Variants in CDH12 observed in about 807,000 individuals in gnomAD.
The protein encoded by CDH12 is cadherin 12.
In CDH12, 41 loss-of-function variants were observed where a neutral mutation model predicts 74.1. The ratio of observed to expected loss-of-function variants is 0.55; its 90% CI spans 0.43 to 0.72. The LOEUF (loss-of-function observed/expected upper bound fraction) is 0.72. CDH12 is among the 30% of genes least tolerant of loss of function. The pLI is 0.00. For missense variants in CDH12, 945 were observed against 977.2 expected (o/e 0.97, Z 0.44); for synonymous variants, 399 against 355.0 (o/e 1.12, Z -1.39).
At chr5:22,295,854 G>A (rs964394346) in intron 3 of CDH12, among the ~76,000 whole-genome samples, 6 of 152,030 alleles carry the variant, frequency 3.9e-5, no homozygotes, top group African/African-American at 1.4e-4. Context: ...ATACTAGCAA[G>A]CCAATACTGG....
chr5:21,847,413 T>A (rs909917874), intron 7 of CDH12, among the ~76,000 whole-genome samples: 1 of 152,050 alleles, frequency 6.6e-6, no homozygotes, highest in African/African-American at 2.4e-5. Flanking sequence ...ACTTACTATC[T>A]TACAATTCTG....
At chr5:22,698,731 ATATAGTGTGT>A (rs1561586116) in intron 1 of CDH12, among the ~76,000 whole-genome samples, 173 of 6,872 alleles carry the variant, frequency 0.025, 24 homozygotes, top group South Asian at 0.03. Flanking sequence ...ATATATATAT[ATATAGTGTGT>A]GTGTGTGTGT....
intron 1 of CDH12, among the ~76,000 whole-genome samples, chr5:22,749,918 A>G (rs983713380): frequency 2.0e-5 from 3 of 152,190 alleles, no homozygotes; most frequent in Non-Finnish European, 4.4e-5. Flanking sequence ...GACACACACA[A>G]AATCACTTAG....
At chr5:22,347,487 C>T (rs1469029581) in intron 3 of CDH12, among the ~76,000 whole-genome samples, 1 of 152,280 alleles carries the variant, frequency 6.6e-6, no homozygotes, top group African/African-American at 2.4e-5. Flanking sequence ...ACCGCACCAT[C>T]GGCTTCCCTA....
chr5:22,824,129 A>G (rs1391228737), intron 1 of CDH12, among the ~76,000 whole-genome samples: 1 of 152,192 alleles, frequency 6.6e-6, no homozygotes, highest in Non-Finnish European at 1.5e-5. Flanking sequence ...AATGGAAACT[A>G]GAAGACAATG....
At chr5:21,917,966 T>C (rs2150069409) in intron 6 of CDH12, among the ~76,000 whole-genome samples, 1 of 152,320 alleles carries the variant, frequency 6.6e-6, no homozygotes, top group East Asian at 1.9e-4. Flanking sequence ...TTCCCTCTTC[T>C]ATATTAAGAT....
At chr5:22,620,656 G>A (rs1191693164) in intron 1 of CDH12, among the ~76,000 whole-genome samples, 6 of 152,136 alleles carry the variant, frequency 3.9e-5, no homozygotes, top group Admixed American at 6.5e-5. Context: ...TAGATCATGC[G>A]TGAGATCAAT....
At chr5:22,387,144 G>A (rs1475594463) in intron 3 of CDH12, among the ~76,000 whole-genome samples, 1 of 151,864 alleles carries the variant, frequency 6.6e-6, no homozygotes, top group Non-Finnish European at 1.5e-5. Context: ...AATAGAGGAT[G>A]CTTTTTCTTG....
At chr5:22,271,868 A>G (rs1736416197) in intron 3 of CDH12, among the ~76,000 whole-genome samples, 1 of 152,080 alleles carries the variant, frequency 6.6e-6, no homozygotes, top group Non-Finnish European at 1.5e-5. Context: ...CAATCATGCT[A>G]TCACTCAGAT....
intron 1 of CDH12, among the ~76,000 whole-genome samples, chr5:22,549,358 T>C (rs1738466400): frequency 6.6e-6 from 1 of 151,932 alleles, no homozygotes; most frequent in Non-Finnish European, 1.5e-5. Flanking sequence ...AAAATTATCT[T>C]TTCCTTTTTT....
At chr5:22,741,812 A>G (rs569201779) in intron 1 of CDH12, among the ~76,000 whole-genome samples, 59 of 152,334 alleles carry the variant, frequency 3.9e-4, no homozygotes, top group African/African-American at 1.3e-3. Context: ...TTGGGTTGGA[A>G]TAGATACTGT....
chr5:22,421,589 G>A (rs1289055279), intron 2 of CDH12, among the ~76,000 whole-genome samples: 1 of 152,048 alleles, frequency 6.6e-6, no homozygotes, highest in Admixed American at 6.6e-5. Flanking sequence ...GTCTATCACT[G>A]ACAGGCAGTT....
intron 4 of CDH12, among the ~76,000 whole-genome samples, chr5:22,204,936 C>T (rs1163068711): frequency 1.3e-5 from 2 of 152,136 alleles, no homozygotes; most frequent in East Asian, 1.9e-4. Flanking sequence ...TGTGACTACT[C>T]GTTCTTTAGT....
At chr5:22,666,679 A>C (rs951863565) in intron 1 of CDH12, among the ~76,000 whole-genome samples, 3 of 152,182 alleles carry the variant, frequency 2.0e-5, no homozygotes, top group African/African-American at 7.2e-5. Flanking sequence ...TTCTTTCTTA[A>C]TTGATTCTTA....
chr5:22,518,980 GT>G (rs1224778517), intron 1 of CDH12, among the ~76,000 whole-genome samples: 2 of 152,172 alleles, frequency 1.3e-5, no homozygotes, highest in Non-Finnish European at 2.9e-5. Context: ...CTAGCATGGG[GT>G]GACCTCCTGG....
At chr5:22,549,321 C>T (rs1161198463) in intron 1 of CDH12, among the ~76,000 whole-genome samples, 7 of 151,636 alleles carry the variant, frequency 4.6e-5, no homozygotes, top group Admixed American at 3.3e-4. Flanking sequence ...GCCCAGCCAT[C>T]TTGGAATATG....
intron 5 of CDH12, among the ~76,000 whole-genome samples, chr5:22,045,605 A>G (rs1188719145): frequency 2.3e-4 from 35 of 151,124 alleles, no homozygotes; most frequent in African/African-American, 8.5e-4. Flanking sequence ...ATTCAGCCAA[A>G]AAAAAAAAAA....
At chr5:21,974,575 C>A (rs2547623) in intron 6 of CDH12, among the ~76,000 whole-genome samples, 1 of 152,160 alleles carries the variant, frequency 6.6e-6, no homozygotes, top group African/African-American at 2.4e-5. Context: ...CTTGATGGCA[C>A]AACAAGTATG....
At chr5:21,779,662 A>C (rs531555518) in intron 11 of CDH12, 2 of 152,332 alleles carry the variant, frequency 1.3e-5, no homozygotes, top group African/African-American at 4.8e-5. Flanking sequence ...TTTTTATAAA[A>C]GGGTCAGAGC....
Sources: gnomAD v4.1 joint callset for allele counts (sites outside exome capture counted in the v4.1 genomes callset) on GRCh38, gnomAD v4.1.1 for gene constraint, MANE v1.5 for transcripts, NCBI Gene and HGNC (gene_info 2026-07-23, HGNC 2026-07-21) for gene names.